The following NCAM1 variants were observed in gnomAD, a reference collection of about 807,000 sequenced individuals.
The protein encoded by NCAM1 is antigen recognized by monoclonal antibody 5.1H11.
NCAM1 carries 14 observed loss-of-function variants against 109.8 expected under a neutral mutation model. The ratio of observed to expected loss-of-function variants is 0.13; its 90% confidence interval spans 0.08 to 0.20. The LOEUF (loss-of-function observed/expected upper bound fraction) is 0.20, where lower values mean the gene tolerates loss of function less well. Among genes scored for constraint, NCAM1 ranks in the 10% least tolerant of loss-of-function variants. NCAM1 has a pLI of 1.00. For synonymous variants in NCAM1, 418 were observed against 442.9 expected, an observed-to-expected ratio of 0.94 and a Z score of 0.70; for missense variants, 774 against 1,109.9, an observed-to-expected ratio of 0.70 and a Z score of 4.30.
rs145261913 is a variant in NCAM1, at chr11:113,136,518, G to A, written c.53-65861G>A. Reference sequence around the variant, plus strand: ...CAGACTGGGAAACAGAATAGTTCCTGTGGGGTCTGGGTCAGGAAGACGAGG... The same window carrying A: ...CAGACTGGGAAACAGAATAGTTCCTATGGGGTCTGGGTCAGGAAGACGAGG... On this transcript the variant is annotated intron_variant, in intron 1 of 19. Transcript: ENST00000316851. Among the ~76,000 whole-genome samples, 319 of 152,344 alleles carry A rather than the reference G, an allele frequency of 2.1e-3. 1 individual carries two copies. The highest frequency in any genetic ancestry group is 7.2e-3 in the African/African-American group (299 of 41,568).
intron 1 of NCAM1, among the ~76,000 whole-genome samples, chr11:112,995,324 A>G (rs1285166289): frequency 1.3e-5 from 2 of 152,208 alleles, no homozygotes; most frequent in African/African-American, 2.4e-5. Flanking sequence ...TTTATATCAT[A>G]GCTGTCTGAG....
In NCAM1 at chr11:113,034,932, G is replaced by C. The variant is rs1952823165; in HGVS notation, c.52+73268G>C. Among the ~76,000 whole-genome samples the C allele has an allele frequency of 2.0e-5, 3 of 152,158 alleles. No individual in the cohort carries two copies. The South Asian group carries it at 6.2e-4, about 32-fold the overall frequency. ...AATATTCTGTTATTATCATAAAGTA[G>C]TCTGGAATCTACGTTAAGAAGACTC... is the stretch of plus-strand genomic sequence containing the variant. On this transcript the variant is annotated intron_variant, in intron 1 of 19. Transcript: ENST00000316851.
chr11:113,261,530 G>T (rs1423249703), intron 17 of NCAM1, among the ~76,000 whole-genome samples: 1 of 152,176 alleles, frequency 6.6e-6, no homozygotes, highest in Non-Finnish European at 1.5e-5. Flanking sequence ...CTCCACAGTC[G>T]CTGGTCAGAT....
intron 1 of NCAM1, among the ~76,000 whole-genome samples, chr11:112,980,270 G>C (rs1591209708): frequency 6.6e-6 from 1 of 151,908 alleles, no homozygotes; most frequent in Non-Finnish European, 1.5e-5. Context: ...CAGCCTCTTT[G>C]GAAAACAAGT....
At chr11:113,250,045 G>A (rs187754973) in intron 15 of NCAM1, among the ~76,000 whole-genome samples, 3 of 152,282 alleles carry the variant, frequency 2.0e-5, no homozygotes, top group Admixed American at 2.0e-4. Flanking sequence ...CTAGGAACTA[G>A]GATGGCAAAG....
chr11:113,113,001 G>A (rs527834983), intron 1 of NCAM1, among the ~76,000 whole-genome samples: 1 of 152,112 alleles, frequency 6.6e-6, no homozygotes, highest in Admixed American at 6.5e-5. Context: ...GCATGGGGGT[G>A]TGCACCTGTA....
At chr11:113,178,606 C>T (rs1470454847) in intron 1 of NCAM1, among the ~76,000 whole-genome samples, 2 of 152,170 alleles carry the variant, frequency 1.3e-5, no homozygotes, top group African/African-American at 4.8e-5. Flanking sequence ...TGACAAACAG[C>T]CTGGTTTCTG....
chr11:113,046,403 A>C (rs1319099685), intron 1 of NCAM1, among the ~76,000 whole-genome samples: 2 of 152,198 alleles, frequency 1.3e-5, no homozygotes, highest in African/African-American at 4.8e-5. Context: ...TCCCCATCCC[A>C]AAACAGCACT....
intron 1 of NCAM1, among the ~76,000 whole-genome samples, chr11:113,200,292 C>A (rs1170916768): frequency 6.6e-6 from 1 of 152,142 alleles, no homozygotes; most frequent in Non-Finnish European, 1.5e-5. Flanking sequence ...AGAATGAGAG[C>A]CACGGGAAGT....
At chr11:113,236,237 T>G (rs1945163199) in intron 14 of NCAM1, 1 of 1,547,086 alleles carries the variant, frequency 6.5e-7, no homozygotes, top group Non-Finnish European at 8.9e-7. Context: ...CATCTTATTT[T>G]TTTTTTCTTG....
chr11:113,227,664 A>G (rs1256959637), intron 9 of NCAM1, among the ~76,000 whole-genome samples: 1 of 152,262 alleles, frequency 6.6e-6, no homozygotes, highest in African/African-American at 2.4e-5. Flanking sequence ...CCTGATGAAC[A>G]TCGATGCAAA....
intron 1 of NCAM1, among the ~76,000 whole-genome samples, chr11:113,020,391 CCT>C (rs1444462671): frequency 6.6e-6 from 1 of 152,112 alleles, no homozygotes; most frequent in Non-Finnish European, 1.5e-5. Flanking sequence ...TTAGCTCACC[CCT>C]GAGTGTTGCA....
intron 1 of NCAM1, among the ~76,000 whole-genome samples, chr11:113,202,161 G>A (rs1555111925): frequency 6.6e-6 from 1 of 152,176 alleles, no homozygotes; most frequent in Non-Finnish European, 1.5e-5. Flanking sequence ...TCTGGGCCGT[G>A]TCTCTCTCTG....
At chr11:113,107,493 C>G (rs545388082) in intron 1 of NCAM1, among the ~76,000 whole-genome samples, 1 of 152,184 alleles carries the variant, frequency 6.6e-6, no homozygotes, top group Admixed American at 6.5e-5. Context: ...AGACTGGGTA[C>G]TTTATAAAGA....
chr11:113,003,668 C>T (rs898606561), intron 1 of NCAM1, among the ~76,000 whole-genome samples: 2 of 152,322 alleles, frequency 1.3e-5, no homozygotes, highest in South Asian at 4.1e-4. Context: ...ATAAAAGTCA[C>T]TTACTTGTGC....
rs543517360 is a variant in NCAM1, at chr11:113,258,783, A to G, written c.1954-1363A>G. On this transcript the variant is annotated intron_variant, in intron 16 of 19. Coordinates refer to ENST00000316851, the MANE Select transcript of NCAM1 (RefSeq NM_181351.5). ...AAATCTGTATAGCTATTTTGTATCA[A>G]TTAAAACTGTTATTTTCAAGAACAC... Among the ~76,000 whole-genome samples, 11 of 152,350 alleles carry G rather than the reference A, an allele frequency of 7.2e-5. No individual in the cohort carries two copies. The South Asian group carries it at 1.7e-3, about 23-fold the overall frequency.
At chr11:113,034,324 C>T (rs373467300) in intron 1 of NCAM1, among the ~76,000 whole-genome samples, 20 of 151,818 alleles carry the variant, frequency 1.3e-4, no homozygotes, top group African/African-American at 3.6e-4. Flanking sequence ...GAACTTGGTA[C>T]GGAGATTTAA....
intron 1 of NCAM1, among the ~76,000 whole-genome samples, chr11:113,201,774 C>T (rs1345410610): frequency 6.6e-6 from 1 of 152,168 alleles, no homozygotes; most frequent in Non-Finnish European, 1.5e-5. Context: ...GATGTTGGCT[C>T]CTGTTATGGA....
chr11:113,207,811 T>C, intron 6 of NCAM1, 22 bp from the exon 7 acceptor site: 1 of 1,597,364 alleles, frequency 6.3e-7, no homozygotes, highest in East Asian at 2.2e-5. Context: ...ATCATGCTAC[T>C]TTGCATTTCT....
Sources: gnomAD v4.1 joint callset for allele counts (sites outside exome capture counted in the v4.1 genomes callset) on GRCh38, gnomAD v4.1.1 for gene constraint, MANE v1.5 for transcripts, NCBI Gene and HGNC (gene_info 2026-07-23, HGNC 2026-07-21) for gene names.